Variants in RBFOX1 observed in about 807,000 individuals in gnomAD.
The protein encoded by RBFOX1 is RNA binding fox-1 homolog 1.
A neutral mutation model predicts 57.7 loss-of-function variants in RBFOX1; 8 were observed. The observed-to-expected ratio is 0.14, with a 90% confidence interval of 0.08 to 0.25. The LOEUF (loss-of-function observed/expected upper bound fraction) is 0.25. RBFOX1 is among the 10% of genes least tolerant of loss of function. The probability of loss-of-function intolerance (pLI) is 1.00; values close to 1 mark genes in which losing one functional copy is unlikely to be tolerated. For synonymous variants in RBFOX1, 326 were observed against 222.4 expected (o/e 1.47, Z -4.15); for missense variants, 611 against 548.5 (o/e 1.11, Z -1.14).
At chr16:6,653,965 TTGGACGGATGGATGGATGGATGGA>T (rs1568062237) in intron 2 of RBFOX1, among the ~76,000 whole-genome samples, 1 of 125,762 alleles carries the variant, frequency 8.0e-6, no homozygotes, top group South Asian at 2.4e-4. Context: ...GGATGGATGG[TTGGACGGATGGATGGATGGATGGA>T]TGGATGGATG....
At chr16:6,542,811 G>A (rs1480410311) in intron 2 of RBFOX1, among the ~76,000 whole-genome samples, 3 of 151,944 alleles carry the variant, frequency 2.0e-5, no homozygotes, top group Non-Finnish European at 2.9e-5. Context: ...GTCTTAAGAC[G>A]CTGGCTCTGC....
chr16:7,047,351 A>G (rs987317288), intron 3 of RBFOX1, among the ~76,000 whole-genome samples: 1 of 152,148 alleles, frequency 6.6e-6, no homozygotes, highest in African/African-American at 2.4e-5. Flanking sequence ...GTATTTCAAT[A>G]ACTGTGTGTT....
At position 5,719,417 on chromosome 16, in the gene RBFOX1, C is replaced by T. The variant is rs553547678; in HGVS notation, c.318+120456C>T. 4.0e-5 allele frequency among the ~76,000 whole-genome samples: 6 copies of T among 149,256 alleles called. No homozygotes were observed. In the East Asian group the frequency reaches 7.9e-4, roughly 20 times the overall value. On this transcript the variant is annotated intron_variant, in intron 3 of 19. Coordinates refer to the RBFOX1 transcript ENST00000641259. ...AGTAGACACGGGGTTTCACCATGTT[C>T]GCCAGGATGGTCTCAATCTCCTGAG...
At chr16:5,957,462 T>C (rs985752186) in intron 4 of RBFOX1, among the ~76,000 whole-genome samples, 6 of 152,120 alleles carry the variant, frequency 3.9e-5, no homozygotes, top group Non-Finnish European at 7.4e-5. Context: ...TCACCTCAAG[T>C]GATCTGCCTG....
intron 4 of RBFOX1, among the ~76,000 whole-genome samples, chr16:7,266,421 G>C (rs940364330): frequency 6.6e-6 from 1 of 152,220 alleles, no homozygotes; most frequent in Non-Finnish European, 1.5e-5. Flanking sequence ...AAGCCCAGCA[G>C]ATGCCTGCGC....
chr16:7,488,372 A>G (rs1025275582), intron 4 of RBFOX1, among the ~76,000 whole-genome samples: 5 of 152,102 alleles, frequency 3.3e-5, no homozygotes, highest in Non-Finnish European at 7.4e-5. Flanking sequence ...TAGATATACA[A>G]CTATGTACAG....
intron 2 of RBFOX1, among the ~76,000 whole-genome samples, chr16:6,592,178 G>A (rs766789906): frequency 2.3e-4 from 35 of 152,066 alleles, no homozygotes; most frequent in Non-Finnish European, 4.0e-4. Flanking sequence ...CTCCTTTAAC[G>A]TCTCTGCAAT....
rs556406292 is a variant in RBFOX1 at position 6,189,163 on chromosome 16, G to C, written c.-126-127832G>C. ...TGTCATGCAATTGTTTTGCTTACCA[G>C]CAGCTGTCAGATGGATATTACAATG... On this transcript the variant is annotated intron_variant, in intron 1 of 15. Coordinates refer to ENST00000550418, the MANE Select transcript of RBFOX1 (RefSeq NM_018723.4). Among the ~76,000 whole-genome samples, 3 of 152,300 alleles carry C rather than the reference G, an allele frequency of 2.0e-5. 1 individual carries two copies. Among genetic ancestry groups the C allele is most frequent in the South Asian group, 4.1e-4 (2 of 4,832 alleles).
intron 3 of RBFOX1, among the ~76,000 whole-genome samples, chr16:6,970,505 G>A (rs1035336360): frequency 6.6e-6 from 1 of 152,134 alleles, no homozygotes; most frequent in African/African-American, 2.4e-5. Flanking sequence ...GGCATTCTAA[G>A]ATCAGAGACA....
rs146485743 is a variant in RBFOX1 at position 5,294,695 on chromosome 16, C to A, written c.219+54590C>A. Among the ~76,000 whole-genome samples the A allele has an allele frequency of 2.9e-4, 44 of 152,150 alleles. No homozygotes were observed. In the East Asian group the frequency reaches 4.3e-3, roughly 15 times the overall value. On this transcript the variant is annotated intron_variant, in intron 1 of 2. Coordinates refer to the RBFOX1 transcript ENST00000585867. Reference sequence around the variant, plus strand: ...TGCCCTTTCCTTTCACATTTGGACCCCTTTGTGTGCTGACCACTGGGGTGT... The same window carrying A: ...TGCCCTTTCCTTTCACATTTGGACCACTTTGTGTGCTGACCACTGGGGTGT...
At chr16:6,695,567 C>T (rs1016428910) in intron 3 of RBFOX1, among the ~76,000 whole-genome samples, 1 of 108,356 alleles carries the variant, frequency 9.2e-6, no homozygotes, top group Non-Finnish European at 2.4e-5. Flanking sequence ...ATGAATGTTT[C>T]AAGTATGAGA....
In RBFOX1 at chr16:6,086,158, C is replaced by T. The variant is rs551497448; in HGVS notation, c.-127+66166C>T. ...TCCTTGCAAAGGACGTGATTTCATT[C>T]CTTTTTATGGCTGCATAGTATTCCA... On this transcript the variant is annotated intron_variant, in intron 1 of 15. Transcript: ENST00000550418. 2.0e-5 allele frequency among the ~76,000 whole-genome samples: 3 copies of T among 152,242 alleles called. No individual in the cohort carries two copies. In the South Asian group the frequency reaches 6.2e-4, roughly 32 times the overall value.
At chr16:5,999,836 C>G (rs1188276627) in intron 4 of RBFOX1, among the ~76,000 whole-genome samples, 13 of 123,644 alleles carry the variant, frequency 1.1e-4, no homozygotes, top group East Asian at 6.1e-4. Flanking sequence ...CCACTGCGCT[C>G]CAGCCTGGGC....
At chr16:6,988,552 A>G (rs1376781237) in intron 3 of RBFOX1, among the ~76,000 whole-genome samples, 2 of 149,696 alleles carry the variant, frequency 1.3e-5, no homozygotes, top group Non-Finnish European at 3.0e-5. Flanking sequence ...TTTTTATTTT[A>G]ATTTAACTTT....
chr16:5,617,194 C>T (rs962955029), intron 3 of RBFOX1, among the ~76,000 whole-genome samples: 2 of 152,070 alleles, frequency 1.3e-5, no homozygotes, highest in Non-Finnish European at 2.9e-5. Context: ...GTGCCAACAT[C>T]CCCTCACTTC....
chr16:6,860,268 G>C (rs925020183), intron 3 of RBFOX1, among the ~76,000 whole-genome samples: 1 of 152,144 alleles, frequency 6.6e-6, no homozygotes, highest in Admixed American at 6.5e-5. Flanking sequence ...TGGTACTTGT[G>C]GAAATACATT....
intron 1 of RBFOX1, among the ~76,000 whole-genome samples, chr16:6,101,825 C>T (rs1465055844): frequency 6.6e-6 from 1 of 152,194 alleles, no homozygotes; most frequent in Non-Finnish European, 1.5e-5. Flanking sequence ...CACATATCCA[C>T]AGCTGCCCTT....
At position 5,867,336 on chromosome 16, in the gene RBFOX1, G is replaced by A. The variant is rs1249797494; in HGVS notation, c.351+1G>A. 1 of 1,204,736 alleles carries A rather than the reference G, an allele frequency of 8.3e-7. No individual in the cohort carries two copies. Among genetic ancestry groups the A allele is most frequent in the African/African-American group, 1.6e-5 (1 of 63,782 alleles). 74.6% of individuals were successfully genotyped at this position (1,204,736 alleles called of 1,614,324 possible). A position where few individuals can be genotyped will look rare whatever the true frequency, so the allele number is the denominator to read the frequency against. ...AAGTCAGGCTACAGGCAAAGCTGAG[G>A]TAGGAAACGTGGTTTTTCTGTCCCT... On this transcript the variant is annotated splice_donor_variant, in intron 4 of 19. Transcript: ENST00000641259. LOFTEE classifies it high-confidence loss of function.
chr16:6,630,289 GGAAAAGA>G (rs2098367934), intron 2 of RBFOX1, among the ~76,000 whole-genome samples: 2 of 152,074 alleles, frequency 1.3e-5, no homozygotes, highest in South Asian at 2.1e-4. Context: ...CCCAAGGAAT[GGAAAAGA>G]GAAAGGAGAG....
Sources: allele counts gnomAD v4.1 joint callset (sites outside exome capture counted in the v4.1 genomes callset), GRCh38; gene constraint gnomAD v4.1.1; transcripts MANE v1.5; gene names NCBI Gene and HGNC (gene_info 2026-07-23, HGNC 2026-07-21).